R3HDM1: variants seen among roughly 807,000 people sequenced by gnomAD.
The protein encoded by R3HDM1 is R3H domain containing 1.
R3HDM1 carries 46 observed loss-of-function variants against 141.1 expected under a neutral mutation model. The observed-to-expected ratio is 0.33, with a 90% CI of 0.26 to 0.42. R3HDM1 has a LOEUF of 0.42. Among genes scored for constraint, R3HDM1 ranks in the 10% least tolerant of loss-of-function variants. The pLI, the probability that R3HDM1 is intolerant of heterozygous loss-of-function variation, is 1.00. For missense variants in R3HDM1, 1,184 were observed against 1,368.3 expected, an observed-to-expected ratio of 0.87 and a Z score of 2.12; for synonymous variants, 435 against 472.9, an observed-to-expected ratio of 0.92 and a Z score of 1.04.
At chr2:135,654,278 T>C (rs1394731470) in intron 18 of R3HDM1, among the ~76,000 whole-genome samples, 1 of 151,880 alleles carries the variant, frequency 6.6e-6, no homozygotes, top group Non-Finnish European at 1.5e-5. Flanking sequence ...TCAAAGTTGA[T>C]CCACATCGTA....
At chr2:135,673,135 T>C (rs2068652905) in intron 19 of R3HDM1, among the ~76,000 whole-genome samples, 1 of 151,998 alleles carries the variant, frequency 6.6e-6, no homozygotes, top group Non-Finnish European at 1.5e-5. Context: ...AAGATACCAT[T>C]GGAAATTTAC....
chr2:135,663,110 G>A (rs983021331), intron 19 of R3HDM1, among the ~76,000 whole-genome samples: 30 of 132,846 alleles, frequency 2.3e-4, no homozygotes, highest in Non-Finnish European at 7.7e-5. Flanking sequence ...TGGGACTAGT[G>A]TGCTAGTATA....
rs146007992 is a variant in R3HDM1, at chr2:135,563,399, A to T, written c.-250+31766A>T. On this transcript the variant is annotated intron_variant, in intron 1 of 26. Coordinates refer to ENST00000683871, the MANE Select transcript of R3HDM1 (RefSeq NM_001378107.1). ...GTTCCATTTTGCTCTTGCTGCCACG[A>T]CTCCTAGGTCCAGATTTGATCCACT... Among the ~76,000 whole-genome samples the T allele has an allele frequency of 1.5e-3, 223 of 152,050 alleles. 2 individuals carry two copies. The highest frequency in any genetic ancestry group is 4.0e-4 in the Non-Finnish European group (27 of 67,984).
chr2:135,688,027 A>T (rs1358349838), intron 21 of R3HDM1, among the ~76,000 whole-genome samples: 1 of 152,212 alleles, frequency 6.6e-6, no homozygotes, highest in African/African-American at 2.4e-5. Flanking sequence ...ATTCGTGGAC[A>T]CGTTCAGTGT....
rs539052086 is a variant in R3HDM1, at chr2:135,547,830, G to A, written c.-250+16197G>A. Among the ~76,000 whole-genome samples, 15 of 139,506 alleles carry A rather than the reference G, an allele frequency of 1.1e-4. No individual in the cohort carries two copies. In the South Asian group the frequency reaches 3.5e-3, roughly 33 times the overall value. The allele number at this position is 139,506 out of a possible 152,430, so 91.5% of individuals were successfully genotyped here. ...GCTCTGTCGCCCAGGCTAGAGTGCA[G>A]TGGCACGATCTCGGCTCACTGCAAT... On this transcript the variant is annotated intron_variant, in intron 1 of 26. Coordinates refer to ENST00000683871, the MANE Select transcript of R3HDM1 (RefSeq NM_001378107.1).
At chr2:135,685,631 A>T (rs966585630) in intron 21 of R3HDM1, among the ~76,000 whole-genome samples, 3 of 152,118 alleles carry the variant, frequency 2.0e-5, no homozygotes, top group Admixed American at 2.0e-4. Context: ...AATTTCTCTA[A>T]ATACATGCTA....
chr2:135,644,580 T>G (rs1461936487), intron 15 of R3HDM1, among the ~76,000 whole-genome samples: 1 of 152,178 alleles, frequency 6.6e-6, no homozygotes, highest in Non-Finnish European at 1.5e-5. Flanking sequence ...GAGCTATTAA[T>G]TATTTTAGTT....
At chr2:135,587,722 T>C (rs1004806236) in intron 1 of R3HDM1, among the ~76,000 whole-genome samples, 7 of 152,164 alleles carry the variant, frequency 4.6e-5, no homozygotes, top group Non-Finnish European at 8.8e-5. Flanking sequence ...TATCCATCCT[T>C]TGTCATATTC....
In R3HDM1 at chr2:135,717,555, A is replaced by G. The variant is rs192261964; in HGVS notation, c.2881+1861A>G. Among the ~76,000 whole-genome samples the G allele has an allele frequency of 2.3e-4, 35 of 152,354 alleles. No individual in the cohort carries two copies. The East Asian group carries it at 5.4e-3, about 23-fold the overall frequency. On this transcript the variant is annotated intron_variant, in intron 24 of 26. Coordinates refer to ENST00000683871, the MANE Select transcript of R3HDM1 (RefSeq NM_001378107.1). The stretch of plus-strand genomic sequence containing the variant: ...ATTGATGAACACAAAGAAGGGAACA[A>G]TAGACACTTGGGTCTACTTGAGGGG...
intron 18 of R3HDM1, among the ~76,000 whole-genome samples, chr2:135,659,049 CTGTGTGTG>C (rs548436817): frequency 1.5e-4 from 19 of 126,494 alleles, no homozygotes; most frequent in East Asian, 9.1e-4. Context: ...CTACCTGAGT[CTGTGTGTG>C]TGTGTGTGTG....
intron 19 of R3HDM1, among the ~76,000 whole-genome samples, chr2:135,664,962 A>G (rs746910579): frequency 6.6e-6 from 1 of 152,320 alleles, no homozygotes; most frequent in East Asian, 1.9e-4. Context: ...TGGAATTTTT[A>G]CTGTGTTGTC....
At chr2:135,633,066 T>A (rs2062875929) in intron 9 of R3HDM1, among the ~76,000 whole-genome samples, 1 of 152,216 alleles carries the variant, frequency 6.6e-6, no homozygotes. Flanking sequence ...GTTCCTATAA[T>A]TAAAAGTAAA....
At chr2:135,694,753 G>A (rs1357274208) in intron 21 of R3HDM1, among the ~76,000 whole-genome samples, 2 of 152,158 alleles carry the variant, frequency 1.3e-5, no homozygotes, top group African/African-American at 4.8e-5. Context: ...GCAGAATACT[G>A]AAGAGAAGAG....
chr2:135,696,005 G>A (rs2073182474), intron 21 of R3HDM1, among the ~76,000 whole-genome samples: 1 of 152,092 alleles, frequency 6.6e-6, no homozygotes, highest in Admixed American at 6.6e-5. Flanking sequence ...AACCACCTGG[G>A]GAAACAGTTT....
At chr2:135,718,028 GAC>G (rs1295823691) in intron 24 of R3HDM1, among the ~76,000 whole-genome samples, 7 of 152,122 alleles carry the variant, frequency 4.6e-5, no homozygotes, top group Non-Finnish European at 1.0e-4. Context: ...GCAAGCTACT[GAC>G]ACACAACAAC....
chr2:135,621,730 G>A, intron 6 of R3HDM1, 122 bp downstream of exon 6: 1 of 1,327,714 alleles, frequency 7.5e-7, no homozygotes. Context: ...AGACTGGAAG[G>A]ATGATACAGT....
chr2:135,626,052 C>A (rs1054610042), intron 7 of R3HDM1, among the ~76,000 whole-genome samples: 1 of 152,206 alleles, frequency 6.6e-6, no homozygotes, highest in Non-Finnish European at 1.5e-5. Flanking sequence ...AGACTTGGAA[C>A]TGGTGTCTGA....
At chr2:135,551,985 C>G (rs1449155414) in intron 1 of R3HDM1, among the ~76,000 whole-genome samples, 1 of 151,964 alleles carries the variant, frequency 6.6e-6, no homozygotes, top group Non-Finnish European at 1.5e-5. Context: ...AGTCTAATTG[C>G]AAAATTGAAA....
chr2:135,607,008 AAGAC>A (rs1187900970), intron 3 of R3HDM1, among the ~76,000 whole-genome samples: 1 of 149,516 alleles, frequency 6.7e-6, no homozygotes, highest in Non-Finnish European at 1.5e-5. Context: ...TTTTGTTTTT[AAGAC>A]AGAGTCTCGC....
Sources: gnomAD v4.1 joint callset for allele counts (sites outside exome capture counted in the v4.1 genomes callset) on GRCh38, gnomAD v4.1.1 for gene constraint, MANE v1.5 for transcripts, NCBI Gene and HGNC (gene_info 2026-07-23, HGNC 2026-07-21) for gene names.